INSIG1: variants seen among roughly 807,000 people sequenced by gnomAD.
INSIG1 encodes insulin-induced gene 1 protein.
Under a neutral mutation model 26.5 loss-of-function variants are expected in INSIG1, and 14 were observed. That is an observed-to-expected ratio of 0.53 (90% confidence interval 0.35 to 0.83). The LOEUF is 0.83. Ranked by LOEUF, INSIG1 falls within the 40% of genes least tolerant of loss-of-function variation. INSIG1 has a pLI of 0.01. For synonymous variants in INSIG1, 147 were observed against 153.3 expected (o/e 0.96, Z 0.30); for missense variants, 272 against 368.9 (o/e 0.74, Z 2.15).
rs142548229 is a variant in INSIG1 at position 155,301,069 on chromosome 7, C to T, written c.413-497C>T. ...GTGACCCAGACTGTCAAAGTCACAT[C>T]AGCAAATATGTATCTCATCACGTGC... is the stretch of plus-strand genomic sequence containing the variant. On this transcript the variant is annotated intron_variant, in intron 2 of 5. Coordinates refer to ENST00000340368, the MANE Select transcript of INSIG1 (RefSeq NM_005542.6). 4.1e-3 allele frequency among the ~76,000 whole-genome samples: 621 copies of T among 152,334 alleles called. 7 individuals are homozygous for T. Among genetic ancestry groups the T allele is most frequent in the African/African-American group, 0.014 (575 of 41,576 alleles).
At chr7:155,299,684 C>T (rs755079313) in intron 2 of INSIG1, among the ~76,000 whole-genome samples, 4 of 152,190 alleles carry the variant, frequency 2.6e-5, no homozygotes, top group Non-Finnish European at 4.4e-5. Context: ...TTGTGGCTGA[C>T]GTTTGTCAGC....
At chr7:155,304,192 G>A (rs1797873452) in intron 5 of INSIG1, among the ~76,000 whole-genome samples, 1 of 152,112 alleles carries the variant, frequency 6.6e-6, no homozygotes, top group Non-Finnish European at 1.5e-5. Flanking sequence ...TCGAACTCGT[G>A]GGCTCAAGCC....
intron 5 of INSIG1, among the ~76,000 whole-genome samples, chr7:155,307,651 A>C (rs888901324): frequency 6.6e-6 from 1 of 152,190 alleles, no homozygotes. Flanking sequence ...CCAACTGTGA[A>C]GCTCTGTGTG....
At chr7:155,303,282 T>C (rs1430489119) in intron 5 of INSIG1, among the ~76,000 whole-genome samples, 2 of 152,240 alleles carry the variant, frequency 1.3e-5, no homozygotes, top group Non-Finnish European at 2.9e-5. Context: ...ATGCAGATGA[T>C]GCTGGCCTCT....
chr7:155,304,214 T>G (rs28641491), intron 5 of INSIG1, among the ~76,000 whole-genome samples: 3,226 of 152,332 alleles, frequency 0.021, 114 homozygotes, highest in African/African-American at 0.074. Flanking sequence ...TCCTCCCACC[T>G]TGGCCTCCCA....
intron 5 of INSIG1, among the ~76,000 whole-genome samples, chr7:155,304,757 T>G (rs1308091202): frequency 6.6e-6 from 1 of 152,170 alleles, no homozygotes; most frequent in East Asian, 1.9e-4. Flanking sequence ...TTGGTGTAAT[T>G]ATAATTCTCC....
intron 2 of INSIG1, among the ~76,000 whole-genome samples, chr7:155,299,559 T>G (rs1278661054): frequency 1.3e-5 from 2 of 152,204 alleles, no homozygotes; most frequent in African/African-American, 4.8e-5. Context: ...TGTTGAAATG[T>G]TAATCCAAAA....
chr7:155,303,481 C>T (rs915106709), intron 5 of INSIG1, among the ~76,000 whole-genome samples: 7 of 152,182 alleles, frequency 4.6e-5, no homozygotes, highest in South Asian at 2.1e-4. Flanking sequence ...ACCATGTAGA[C>T]GGACTGTCCT....
At chr7:155,307,483 A>G (rs1323066514) in intron 5 of INSIG1, among the ~76,000 whole-genome samples, 2 of 152,218 alleles carry the variant, frequency 1.3e-5, no homozygotes, top group South Asian at 2.1e-4. Context: ...GGCCTCAGGA[A>G]GGTCATTTAA....
Position 155,302,766 on chromosome 7 carries a change from C to G in INSIG1, c.724C>G (p.Leu242Val), listed in dbSNP as rs1797825329. The G allele has an allele frequency of 6.2e-7, 1 of 1,611,286 alleles. No individual in the cohort carries two copies. The highest frequency in any genetic ancestry group is 8.5e-7 in the Non-Finnish European group (1 of 1,177,642). Residue 242 changes from leucine (L) to valine (V), a missense_variant, in exon 5 of 6, where the codon CTC becomes GTC. Physicochemically the swap from Leu to Val is conservative, Grantham distance 32 (BLOSUM62 1). This residue lies in a region of INSIG1 where 111 missense variants were observed against 189.8 expected (regional missense o/e 0.58). Coordinates refer to ENST00000340368, the MANE Select transcript of INSIG1 (RefSeq NM_005542.6). This position sits in a 1 kb window ranked among gnomAD's most constrained non-coding sequence, Gnocchi z 4.3. ...GVYQYTSPDF[L>V]YIRSWLPCIF... The stretch of plus-strand genomic sequence containing the variant: ...CTCCAGGTATACATCCCCAGATTTC[C>G]TCTATATTCGTTCTTGGCTCCCTTG...
At chr7:155,298,885 T>C (rs1299027317) in intron 2 of INSIG1, among the ~76,000 whole-genome samples, 188 bp downstream of exon 2, 2 of 152,176 alleles carry the variant, frequency 1.3e-5, no homozygotes, top group African/African-American at 4.8e-5. Flanking sequence ...GAGGGCGGGT[T>C]CGGGCCACAG....
chr7:155,303,825 C>G, intron 5 of INSIG1: 1 of 1,362,612 alleles, frequency 7.3e-7, no homozygotes, highest in Non-Finnish European at 9.8e-7. Context: ...TTTTTGCCAG[C>G]TGATACCCTT....
intron 1 of INSIG1, 114 bp downstream of exon 1, chr7:155,298,073 C>G (rs1797667527): frequency 2.4e-6 from 1 of 424,172 alleles, no homozygotes; most frequent in African/African-American, 2.1e-5. Flanking sequence ...GCGGGTCCCG[C>G]TGGGGCCGGG....
At chr7:155,301,898 ATATATT>A (rs1451658475) in intron 3 of INSIG1, among the ~76,000 whole-genome samples, 9 of 144,424 alleles carry the variant, frequency 6.2e-5, no homozygotes, top group Non-Finnish European at 1.3e-4. Flanking sequence ...CAAAATAAAT[ATATATT>A]TATTTATATT....
chr7:155,303,136 C>A (rs149813005), intron 5 of INSIG1: 162 of 286,400 alleles, frequency 5.7e-4, no homozygotes, highest in African/African-American at 3.2e-3. Flanking sequence ...CTGTAGTAAG[C>A]AGTAGAGAAA....
At chr7:155,305,462 A>T (rs10245829) in intron 5 of INSIG1, among the ~76,000 whole-genome samples, 2,249 of 152,280 alleles carry the variant, frequency 0.015, 49 homozygotes, top group African/African-American at 0.052. Context: ...CTCCCAGGGC[A>T]GCCTTCCCCA....
intron 5 of INSIG1, 25 bp from the exon 6 acceptor site, chr7:155,308,215 CT>C (rs745484895): frequency 4.1e-3 from 4,396 of 1,077,082 alleles, no homozygotes; most frequent in South Asian, 5.8e-3. Flanking sequence ...TTTCTCTTTC[CT>C]TTTTTTTTTC....
chr7:155,304,335 C>T (rs1797877654), intron 5 of INSIG1, among the ~76,000 whole-genome samples: 1 of 152,334 alleles, frequency 6.6e-6, no homozygotes, highest in Non-Finnish European at 1.5e-5. Context: ...TCGCCATCAT[C>T]CCCGTTAATA....
At chr7:155,300,287 C>T (rs989797505) in intron 2 of INSIG1, among the ~76,000 whole-genome samples, 1 of 151,822 alleles carries the variant, frequency 6.6e-6, no homozygotes, top group African/African-American at 2.4e-5. Flanking sequence ...TTTTTTAAAC[C>T]ATCAGCCAAG....
Sources: gnomAD v4.1 joint callset for allele counts (sites outside exome capture counted in the v4.1 genomes callset) on GRCh38, gnomAD v4.1.1 for gene constraint, gnomAD v4.1.1 regional missense constraint, Gnocchi (gnomAD v3.1) non-coding constraint, MANE v1.5 for transcripts, NCBI Gene and HGNC (gene_info 2026-07-23, HGNC 2026-07-21) for gene names.